ADAMTS6: variants seen among roughly 807,000 people sequenced by gnomAD.
ADAMTS6 encodes A disintegrin and metalloproteinase with thrombospondin motifs 6.
A neutral mutation model predicts 144.3 loss-of-function variants in ADAMTS6; 23 were observed. The ratio of observed to expected loss-of-function variants is 0.16; its 90% CI spans 0.11 to 0.23. The LOEUF (loss-of-function observed/expected upper bound fraction) is 0.23, where lower values mean the gene tolerates loss of function less well. Among genes scored for constraint, ADAMTS6 ranks in the 10% least tolerant of loss-of-function variants. ADAMTS6 has a pLI of 1.00. For missense variants in ADAMTS6, 999 were observed against 1,379.6 expected, an observed-to-expected ratio of 0.72 and a Z score of 4.37; for synonymous variants, 444 against 457.5, an observed-to-expected ratio of 0.97 and a Z score of 0.38.
At chr5:65,275,353 G>GAGAAAGGAAAGAAAGAA (rs1762390303) in intron 11 of ADAMTS6, among the ~76,000 whole-genome samples, 4 of 87,108 alleles carry the variant, frequency 4.6e-5, no homozygotes, top group African/African-American at 1.8e-4. Flanking sequence ...AAAGAAAGAA[G>GAGAAAGGAAAGAAAGAA]AGAAAGAAAG....
In ADAMTS6 at chr5:65,329,914, A is replaced by G. The variant is rs192215480; in HGVS notation, c.1118-431T>C. The stretch of plus-strand genomic sequence containing the variant: ...ATACAAGCAACTTTCTAGTTACCAA[A>G]AAAAGGGGGAATCCCAAATTATTTT... On this transcript the variant is annotated intron_variant, in intron 8 of 24. Transcript: ENST00000381055. Among the ~76,000 whole-genome samples, 1,202 of 152,272 alleles carry G rather than the reference A, an allele frequency of 7.9e-3. 12 individuals carry two copies. Among genetic ancestry groups the G allele is most frequent in the African/African-American group, 0.027 (1,133 of 41,576 alleles).
intron 11 of ADAMTS6, among the ~76,000 whole-genome samples, chr5:65,288,877 A>G (rs1742008661): frequency 6.6e-6 from 1 of 152,170 alleles, no homozygotes; most frequent in Non-Finnish European, 1.5e-5. Flanking sequence ...CTGACCTTTG[A>G]AGCCACTATT....
intron 7 of ADAMTS6, among the ~76,000 whole-genome samples, chr5:65,376,360 A>C (rs1477014347): frequency 1.3e-5 from 2 of 152,180 alleles, no homozygotes; most frequent in Non-Finnish European, 2.9e-5. Context: ...TTGAGGCAGA[A>C]GAATAGCTTG....
At chr5:65,256,607 T>C (rs1389372355) in intron 14 of ADAMTS6, 1 of 152,164 alleles carries the variant, frequency 6.6e-6, no homozygotes, top group Non-Finnish European at 1.5e-5. Context: ...AACCCACCAA[T>C]AGTAAGTTCT....
intron 24 of ADAMTS6, 136 bp from the exon 25 acceptor site, chr5:65,152,081 T>G: frequency 1.6e-6 from 1 of 613,554 alleles, no homozygotes; most frequent in Admixed American, 2.7e-5. Context: ...ATGTGGTTTT[T>G]GTTTTTGTTT....
At chr5:65,337,904 T>C (rs1456031768) in intron 7 of ADAMTS6, among the ~76,000 whole-genome samples, 1 of 152,156 alleles carries the variant, frequency 6.6e-6, no homozygotes, top group African/African-American at 2.4e-5. Context: ...AGGACTTTTA[T>C]TGCAGCAGTA....
chr5:65,193,748 T>C (rs375783589), intron 21 of ADAMTS6, among the ~76,000 whole-genome samples: 2 of 152,124 alleles, frequency 1.3e-5, no homozygotes, highest in African/African-American at 4.8e-5. Context: ...TATATAATTA[T>C]AAAGAACAGT....
intron 18 of ADAMTS6, among the ~76,000 whole-genome samples, chr5:65,217,546 G>A (rs2112346921): frequency 6.6e-6 from 1 of 152,176 alleles, no homozygotes. Flanking sequence ...AATTACCAAA[G>A]GGGGAAAAAG....
At chr5:65,450,067 C>T (rs1470738274) in intron 7 of ADAMTS6, among the ~76,000 whole-genome samples, 1 of 152,126 alleles carries the variant, frequency 6.6e-6, no homozygotes, top group African/African-American at 2.4e-5. Context: ...TGACACTAAT[C>T]AATGTCCATA....
At chr5:65,209,318 T>C (rs964409903) in intron 20 of ADAMTS6, among the ~76,000 whole-genome samples, 10 of 152,226 alleles carry the variant, frequency 6.6e-5, no homozygotes, top group East Asian at 1.9e-4. Flanking sequence ...AGTATAAATA[T>C]GTTTGGGTAA....
intron 7 of ADAMTS6, among the ~76,000 whole-genome samples, chr5:65,398,925 A>G (rs2040695118): frequency 6.6e-6 from 1 of 152,172 alleles, no homozygotes; most frequent in Non-Finnish European, 1.5e-5. Context: ...ACTGGCATCC[A>G]TCCAATTACT....
At chr5:65,308,164 G>A (rs896604289) in intron 9 of ADAMTS6, among the ~76,000 whole-genome samples, 1 of 152,204 alleles carries the variant, frequency 6.6e-6, no homozygotes, top group South Asian at 2.1e-4. Flanking sequence ...GACCAACTTC[G>A]AAGAAAAAAA....
Position 65,329,422 on chromosome 5 carries a change from A to C in ADAMTS6, c.1179T>G (p.Ile393Met). ...CAATGGTAAAAGCTGAACCCAGGCC[A>C]ATGTCTTCATTAATGCTGCAGCTCC... ...PERSCSINED[I>M]GLGSAFTIAH... Residue 393 changes from isoleucine (I) to methionine (M), a missense_variant, in exon 9 of 25, where the codon ATT becomes ATG. By Grantham distance (10) the Ile-to-Met change is conservative (BLOSUM62 1). This residue lies in a region of ADAMTS6 where 128 missense variants were observed against 249.0 expected (regional missense o/e 0.51). Transcript: ENST00000381055. 6.2e-7 allele frequency: 1 copy of C among 1,612,968 alleles called. No homozygotes were observed. The highest frequency in any genetic ancestry group is 1.1e-5 in the South Asian group (1 of 90,964).
chr5:65,386,694 T>G (rs1322748949), intron 7 of ADAMTS6, among the ~76,000 whole-genome samples: 1 of 152,066 alleles, frequency 6.6e-6, no homozygotes, highest in Non-Finnish European at 1.5e-5. Context: ...TCCAAGCAAT[T>G]CTCCTGCCTC....
intron 7 of ADAMTS6, among the ~76,000 whole-genome samples, chr5:65,365,793 C>T (rs1029654582): frequency 2.0e-5 from 3 of 152,016 alleles, no homozygotes; most frequent in East Asian, 3.9e-4. Flanking sequence ...AAAATTAGCT[C>T]GAATACAAAC....
At chr5:65,271,478 T>C (rs1762053552) in intron 12 of ADAMTS6, among the ~76,000 whole-genome samples, 1 of 152,154 alleles carries the variant, frequency 6.6e-6, no homozygotes, top group African/African-American at 2.4e-5. Context: ...TGAGAGTATT[T>C]CTAGTTATCC....
chr5:65,375,429 C>T (rs1212562808), intron 7 of ADAMTS6, among the ~76,000 whole-genome samples: 2 of 151,684 alleles, frequency 1.3e-5, no homozygotes, highest in African/African-American at 4.8e-5. Flanking sequence ...AAACAAACAA[C>T]CCCATCAAAA....
intron 7 of ADAMTS6, among the ~76,000 whole-genome samples, chr5:65,370,711 A>G (rs1383642882): frequency 6.6e-6 from 1 of 152,168 alleles, no homozygotes; most frequent in Non-Finnish European, 1.5e-5. Flanking sequence ...GGCGCCCACC[A>G]TTGCCCAGGC....
At chr5:65,474,391 AT>A (rs1225289240) in intron 1 of ADAMTS6, among the ~76,000 whole-genome samples, 4 of 150,222 alleles carry the variant, frequency 2.7e-5, no homozygotes, top group Admixed American at 1.3e-4. Context: ...GGCACCTATC[AT>A]TTTTTTTTCT....
Sources: allele counts gnomAD v4.1 joint callset (sites outside exome capture counted in the v4.1 genomes callset), GRCh38; gene constraint gnomAD v4.1.1; regional missense constraint gnomAD v4.1.1; transcripts MANE v1.5; gene names NCBI Gene and HGNC (gene_info 2026-07-23, HGNC 2026-07-21).